Variants in KCNH7 observed in about 807,000 individuals in gnomAD.
The protein encoded by KCNH7 is voltage-gated inwardly rectifying potassium channel KCNH7.
KCNH7 carries 49 observed loss-of-function variants against 120.8 expected under a neutral mutation model. The ratio of observed to expected loss-of-function variants is 0.41; its 90% CI spans 0.32 to 0.51. The LOEUF is 0.51. KCNH7 is among the 20% of genes least tolerant of loss of function. The pLI, the probability that KCNH7 is intolerant of heterozygous loss-of-function variation, is 0.38. For synonymous variants in KCNH7, 547 were observed against 516.1 expected, an observed-to-expected ratio of 1.06 and a Z score of -0.81; for missense variants, 1,097 against 1,446.6, an observed-to-expected ratio of 0.76 and a Z score of 3.92.
rs760448432 is a variant in KCNH7, at chr2:162,435,201, C to T, written c.1951G>A (p.Gly651Ser). The change falls in exon 8 of 16, where the codon GGC becomes AGC. Residue 651 changes from glycine to serine, a missense_variant. Coordinates refer to ENST00000332142, the MANE Select transcript of KCNH7 (RefSeq NM_033272.4). The stretch of plus-strand genomic sequence containing the variant: ...AACAGAAGAGAAAGCTACTTACAGC[C>T]AATCAACATGACACAAATTGAAAAG... Reference protein sequence around the residue: ...KIFSICVMLIGSLMYASIFGN... With the variant: ...KIFSICVMLISSLMYASIFGN... 6.2e-7 allele frequency: 1 copy of T among 1,610,878 alleles called. No individual in the cohort carries two copies. Among genetic ancestry groups the T allele is most frequent in the Non-Finnish European group, 8.5e-7 (1 of 1,178,166 alleles).
At chr2:162,442,001 T>TC (rs1407102784) in intron 7 of KCNH7, among the ~76,000 whole-genome samples, 8 of 74,472 alleles carry the variant, frequency 1.1e-4, no homozygotes, top group African/African-American at 5.7e-4. Context: ...TAGGTCTTCT[T>TC]TTTTTTTTTT....
At chr2:162,556,100 A>C (rs1379606224) in intron 2 of KCNH7, among the ~76,000 whole-genome samples, 1 of 152,108 alleles carries the variant, frequency 6.6e-6, no homozygotes, top group Admixed American at 6.6e-5. Context: ...TTGAAAACTG[A>C]GCATTTAAAA....
At chr2:162,508,929 T>TA (rs1368389499) in intron 5 of KCNH7, among the ~76,000 whole-genome samples, 2 of 151,538 alleles carry the variant, frequency 1.3e-5, no homozygotes, top group Non-Finnish European at 3.0e-5. Flanking sequence ...GAAAGTCATG[T>TA]AAAACGCAGA....
chr2:162,669,249 T>A (rs554042486), intron 2 of KCNH7, among the ~76,000 whole-genome samples: 95 of 152,226 alleles, frequency 6.2e-4, no homozygotes, highest in African/African-American at 1.7e-3. Context: ...TCAAAATGAA[T>A]CCAATGTAGA....
intron 6 of KCNH7, among the ~76,000 whole-genome samples, chr2:162,465,649 G>A (rs1288342929): frequency 1.3e-5 from 2 of 152,158 alleles, no homozygotes; most frequent in Admixed American, 6.5e-5. Context: ...GTCATGCTGA[G>A]TAATGGTGCG....
chr2:162,450,405 C>T (rs1373094132), intron 6 of KCNH7, among the ~76,000 whole-genome samples: 1 of 151,964 alleles, frequency 6.6e-6, no homozygotes, highest in African/African-American at 2.4e-5. Context: ...GGTACTGGTT[C>T]TTTTGATTTC....
At chr2:162,454,988 G>A (rs1167613024) in intron 6 of KCNH7, among the ~76,000 whole-genome samples, 2 of 152,060 alleles carry the variant, frequency 1.3e-5, no homozygotes, top group Non-Finnish European at 2.9e-5. Flanking sequence ...AATAGGAGTG[G>A]TGAGAGAGGG....
At chr2:162,807,446 G>A (rs1684590048) in intron 2 of KCNH7, among the ~76,000 whole-genome samples, 2 of 151,120 alleles carry the variant, frequency 1.3e-5, no homozygotes, top group African/African-American at 4.9e-5. Flanking sequence ...CAAAAAACAA[G>A]AAAACAACCC....
At chr2:162,792,931 T>C (rs538489147) in intron 2 of KCNH7, among the ~76,000 whole-genome samples, 2 of 152,024 alleles carry the variant, frequency 1.3e-5, no homozygotes, top group African/African-American at 2.4e-5. Flanking sequence ...CTTGAGAGCT[T>C]TCTAACTTTT....
intron 8 of KCNH7, among the ~76,000 whole-genome samples, chr2:162,434,019 A>C (rs1688157141): frequency 6.6e-6 from 1 of 152,074 alleles, no homozygotes; most frequent in Non-Finnish European, 1.5e-5. Flanking sequence ...AAAACGTAGT[A>C]CATATACAAT....
At chr2:162,631,472 A>G (rs1253697418) in intron 2 of KCNH7, among the ~76,000 whole-genome samples, 1 of 152,094 alleles carries the variant, frequency 6.6e-6, no homozygotes, top group Non-Finnish European at 1.5e-5. Flanking sequence ...CAGATTCTGT[A>G]TTTAACTCTT....
chr2:162,767,461 T>C (rs1010674623), intron 2 of KCNH7, among the ~76,000 whole-genome samples: 5 of 152,248 alleles, frequency 3.3e-5, no homozygotes, highest in East Asian at 1.9e-4. Context: ...AAAGAGGTTT[T>C]TCAGTGCTCT....
chr2:162,523,815 A>G (rs1691611254), intron 3 of KCNH7, among the ~76,000 whole-genome samples: 1 of 151,952 alleles, frequency 6.6e-6, no homozygotes, highest in African/African-American at 2.4e-5. Context: ...TCATTTCTAT[A>G]AATTCTTAGA....
chr2:162,797,675 T>C (rs1227801905), intron 2 of KCNH7: 1 of 152,092 alleles, frequency 6.6e-6, no homozygotes, highest in African/African-American at 2.4e-5. Context: ...TGAGGTTGTG[T>C]GTGCAGATCT....
intron 6 of KCNH7, among the ~76,000 whole-genome samples, chr2:162,490,656 G>A (rs964091556): frequency 7.2e-5 from 11 of 152,122 alleles, no homozygotes; most frequent in Admixed American, 2.0e-4. Flanking sequence ...AATAAATGGC[G>A]CAGCTACAGA....
chr2:162,437,158 T>C (rs1688268282), intron 7 of KCNH7, among the ~76,000 whole-genome samples: 1 of 152,114 alleles, frequency 6.6e-6, no homozygotes, highest in Non-Finnish European at 1.5e-5. Flanking sequence ...CAGTTTCTTG[T>C]TTTTCCCTTG....
At chr2:162,517,615 A>T in intron 4 of KCNH7, 115 bp downstream of exon 4, 3 of 899,600 alleles carry the variant, frequency 3.3e-6, no homozygotes, top group Non-Finnish European at 4.9e-6. Flanking sequence ...AATAGCCTTT[A>T]ATCACATTTC....
chr2:162,736,989 A>G (rs988419105), intron 2 of KCNH7, among the ~76,000 whole-genome samples: 2 of 152,200 alleles, frequency 1.3e-5, no homozygotes, highest in Admixed American at 1.3e-4. Context: ...ATAAACAAAA[A>G]CAAAGTAAGG....
At chr2:162,499,535 T>C (rs1363074271) in intron 6 of KCNH7, among the ~76,000 whole-genome samples, 1 of 152,118 alleles carries the variant, frequency 6.6e-6, no homozygotes, top group Non-Finnish European at 1.5e-5. Context: ...AGATGAAATA[T>C]GGCAAAATGA....
Sources: allele counts gnomAD v4.1 joint callset (sites outside exome capture counted in the v4.1 genomes callset), GRCh38; gene constraint gnomAD v4.1.1; transcripts MANE v1.5; gene names NCBI Gene and HGNC (gene_info 2026-07-23, HGNC 2026-07-21).